ARFGEF2: variants seen among roughly 807,000 people sequenced by gnomAD.
ARFGEF2 encodes the protein ARF guanine nucleotide exchange factor 2.
A neutral mutation model predicts 219.9 loss-of-function variants in ARFGEF2; 74 were observed. The observed-to-expected ratio is 0.34, with a 90% CI of 0.28 to 0.41. The LOEUF (loss-of-function observed/expected upper bound fraction) is 0.41, where lower values mean the gene tolerates loss of function less well. Ranked by LOEUF, ARFGEF2 falls within the 10% of genes least tolerant of loss-of-function variation. ARFGEF2 has a pLI of 1.00. For missense variants in ARFGEF2, 1,743 were observed against 2,218.3 expected, an observed-to-expected ratio of 0.79 and a Z score of 4.30; for synonymous variants, 733 against 799.2, an observed-to-expected ratio of 0.92 and a Z score of 1.40.
chr20:48,939,173 C>T (rs1312754980), intron 1 of ARFGEF2, among the ~76,000 whole-genome samples: 1 of 151,816 alleles, frequency 6.6e-6, no homozygotes, highest in African/African-American at 2.4e-5. Flanking sequence ...TGGGGTTTCA[C>T]CATGTTGGTC....
chr20:49,013,205 G>A (rs180852204), intron 28 of ARFGEF2, among the ~76,000 whole-genome samples: 1 of 152,266 alleles, frequency 6.6e-6, no homozygotes, highest in East Asian at 1.9e-4. Flanking sequence ...TAAGTAATGT[G>A]TATGACAGTA....
At chr20:48,985,141 C>G (rs1480262559) in intron 15 of ARFGEF2, among the ~76,000 whole-genome samples, 1 of 151,592 alleles carries the variant, frequency 6.6e-6, no homozygotes, top group South Asian at 2.1e-4. Flanking sequence ...GGCTGCCTGT[C>G]TGCAACTAAC....
At chr20:48,985,299 T>C in intron 15 of ARFGEF2, 109 bp from the exon 16 acceptor site, 1 of 1,174,956 alleles carries the variant, frequency 8.5e-7, no homozygotes, top group East Asian at 2.4e-5. Context: ...GTCCAGCCTA[T>C]TCTGGGCAGT....
At chr20:49,016,643 T>G (rs2091532581) in intron 31 of ARFGEF2, among the ~76,000 whole-genome samples, 1 of 152,220 alleles carries the variant, frequency 6.6e-6, no homozygotes. Context: ...CTACAAGATG[T>G]ACCTTCATGT....
intron 25 of ARFGEF2, among the ~76,000 whole-genome samples, chr20:49,001,442 G>A (rs2091424742): frequency 6.6e-6 from 1 of 152,066 alleles, no homozygotes; most frequent in Non-Finnish European, 1.5e-5. Flanking sequence ...AAATAGATAT[G>A]GCTCAATCCA....
intron 25 of ARFGEF2, 82 bp from the exon 26 acceptor site, chr20:49,004,988 C>T: frequency 6.8e-7 from 1 of 1,463,034 alleles, no homozygotes; most frequent in East Asian, 2.3e-5. Flanking sequence ...TGAAGGTAGG[C>T]TGTCCATCTT....
At chr20:48,932,547 G>A (rs2090919751) in intron 1 of ARFGEF2, among the ~76,000 whole-genome samples, 1 of 152,170 alleles carries the variant, frequency 6.6e-6, no homozygotes, top group Non-Finnish European at 1.5e-5. Flanking sequence ...CTAAGTTTGG[G>A]ATTTTGCCAG....
intron 14 of ARFGEF2, among the ~76,000 whole-genome samples, chr20:48,976,654 A>G (rs1003257196): frequency 2.0e-5 from 3 of 152,150 alleles, no homozygotes; most frequent in Admixed American, 2.0e-4. Flanking sequence ...TAAAAATACA[A>G]AAAATTAGCC....
chr20:49,021,000 A>G (rs548265210), intron 34 of ARFGEF2, among the ~76,000 whole-genome samples: 1 of 152,268 alleles, frequency 6.6e-6, no homozygotes, highest in African/African-American at 2.4e-5. Flanking sequence ...TTGGCCCAAA[A>G]TGTTTTAATT....
chr20:48,991,777 T>C (rs2091358876), intron 21 of ARFGEF2, among the ~76,000 whole-genome samples: 1 of 152,220 alleles, frequency 6.6e-6, no homozygotes, highest in African/African-American at 2.4e-5. Context: ...GCTACTTTTT[T>C]TAAAAAGTAT....
chr20:49,019,270 C>A (rs2091549767), intron 34 of ARFGEF2, among the ~76,000 whole-genome samples: 1 of 152,094 alleles, frequency 6.6e-6, no homozygotes, highest in African/African-American at 2.4e-5. Flanking sequence ...ATAGTACATT[C>A]CATATACATT....
At chr20:48,935,513 A>G (rs1325499634) in intron 1 of ARFGEF2, among the ~76,000 whole-genome samples, 1 of 152,074 alleles carries the variant, frequency 6.6e-6, no homozygotes, top group Non-Finnish European at 1.5e-5. Flanking sequence ...AGACACGGCA[A>G]CCATCCGATT....
intron 14 of ARFGEF2, among the ~76,000 whole-genome samples, chr20:48,976,784 G>A (rs1418030463): frequency 6.6e-6 from 1 of 152,116 alleles, no homozygotes; most frequent in African/African-American, 2.4e-5. Context: ...CTCCAGCCTG[G>A]GTGACAGAGT....
At chr20:48,945,211 T>A (rs2091018312) in intron 3 of ARFGEF2, among the ~76,000 whole-genome samples, 1 of 152,140 alleles carries the variant, frequency 6.6e-6, no homozygotes, top group Non-Finnish European at 1.5e-5. Context: ...GGCTTCAACA[T>A]ACAAATTTTA....
rs2091662742 is a variant in ARFGEF2, at chr20:49,035,760, CT to C, written c.*2562del. The C allele has an allele frequency of 1.9e-5, 3 of 157,148 alleles. No individual in the cohort carries two copies. The South Asian group carries it at 6.2e-4, about 32-fold the overall frequency. The allele number at this position is 157,148 out of a possible 1,614,324, so 9.7% of individuals were successfully genotyped here. A position where few individuals can be genotyped will look rare whatever the true frequency, so the allele number is the denominator to read the frequency against. ...GAAGTTTTTATTTGTTACAATACTG[CT>C]GCTTTGAGCAATTTTGTTTCTCTTC... On this transcript the variant is annotated 3_prime_UTR_variant, in exon 39 of 39. Transcript: ENST00000371917.
rs115909285 is a variant in ARFGEF2 at position 48,943,922 on chromosome 20, A to T, written c.276+1935A>T. ...TGAAGAGGTGTACAGCTTTCTCGAGAAAGAGTACTGTGATTGATTGGTTTT... is the reference window on the plus strand; with the variant it reads ...TGAAGAGGTGTACAGCTTTCTCGAGTAAGAGTACTGTGATTGATTGGTTTT... On this transcript the variant is annotated intron_variant, in intron 3 of 38. Coordinates refer to ENST00000371917, the MANE Select transcript of ARFGEF2 (RefSeq NM_006420.3). Among the ~76,000 whole-genome samples, 237 of 152,332 alleles carry T rather than the reference A, an allele frequency of 1.6e-3. 1 individual carries two copies. Among genetic ancestry groups the T allele is most frequent in the Middle Eastern group, 6.8e-3 (2 of 294 alleles).
At chr20:48,974,287 G>A (rs1207211339) in intron 12 of ARFGEF2, among the ~76,000 whole-genome samples, 1 of 151,644 alleles carries the variant, frequency 6.6e-6, no homozygotes, top group Admixed American at 6.6e-5. Context: ...CACCACACCC[G>A]GCTGATTTGA....
intron 28 of ARFGEF2, 60 bp downstream of exon 28, chr20:49,012,144 A>G: frequency 1.1e-5 from 17 of 1,608,930 alleles, no homozygotes; most frequent in Non-Finnish European, 1.4e-5. Flanking sequence ...TGGAGCAGAA[A>G]TTCTTGCTCC....
rs1394719112 is a variant in ARFGEF2 at position 49,005,091 on chromosome 20, G to A, written c.3454G>A (p.Asp1152Asn). The A allele has an allele frequency of 4.3e-6, 7 of 1,614,184 alleles. No homozygotes were observed. The highest frequency in any genetic ancestry group is 5.9e-6 in the Non-Finnish European group (7 of 1,180,030). Reference sequence around the variant, plus strand: ...TCAGGTTGGCTGCAACCCTAATGAAGATGTGGCTATCTTTGCTGTTGACTC... The same window carrying A: ...TCAGGTTGGCTGCAACCCTAATGAAAATGTGGCTATCTTTGCTGTTGACTC... ...FNKVGCNPNE[D>N]VAIFAVDSLR... Residue 1152 changes from aspartate to asparagine, a missense_variant, in exon 26 of 39, where the codon GAT becomes AAT. This residue lies in a region of ARFGEF2 where 102 missense variants were observed against 146.8 expected (regional missense o/e 0.69). Transcript: ENST00000371917.
Sources: allele counts gnomAD v4.1 joint callset (sites outside exome capture counted in the v4.1 genomes callset), GRCh38; gene constraint gnomAD v4.1.1; regional missense constraint gnomAD v4.1.1; transcripts MANE v1.5; gene names NCBI Gene and HGNC (gene_info 2026-07-23, HGNC 2026-07-21).